Variants in BNC2 observed in about 807,000 individuals in gnomAD.
The protein encoded by BNC2 is basonuclin zinc finger protein 2.
Under a neutral mutation model 76.3 loss-of-function variants are expected in BNC2, and 20 were observed. The observed-to-expected ratio is 0.26, with a 90% CI of 0.18 to 0.38. The LOEUF is 0.38. Among genes scored for constraint, BNC2 ranks in the 10% least tolerant of loss-of-function variants. BNC2 has a pLI of 1.00. For synonymous variants in BNC2, 582 were observed against 514.8 expected (o/e 1.13, Z -1.77); for missense variants, 1,382 against 1,399.8 (o/e 0.99, Z 0.20).
chr9:16,799,883 C>T (rs1035538796), intron 1 of BNC2, among the ~76,000 whole-genome samples: 1 of 152,066 alleles, frequency 6.6e-6, no homozygotes, highest in Admixed American at 6.5e-5. Flanking sequence ...ACTATTAACC[C>T]TAATTATCTT....
chr9:16,496,119 G>C (rs1460786463), intron 5 of BNC2, among the ~76,000 whole-genome samples: 2 of 151,884 alleles, frequency 1.3e-5, no homozygotes, highest in East Asian at 3.9e-4. Flanking sequence ...ATGTTGGACA[G>C]GCTGGTCTCT....
chr9:16,613,452 G>C (rs1178999272), intron 3 of BNC2, among the ~76,000 whole-genome samples: 1 of 152,196 alleles, frequency 6.6e-6, no homozygotes, highest in Non-Finnish European at 1.5e-5. Context: ...ACATGTTATT[G>C]AAAATCACTG....
intron 3 of BNC2, among the ~76,000 whole-genome samples, chr9:16,652,814 T>C (rs1821829938): frequency 6.6e-6 from 1 of 152,140 alleles, no homozygotes; most frequent in Non-Finnish European, 1.5e-5. Context: ...CTGTTATTGT[T>C]AGTCAAAATA....
chr9:16,575,695 C>G (rs1019163601), intron 4 of BNC2, among the ~76,000 whole-genome samples: 2 of 152,254 alleles, frequency 1.3e-5, no homozygotes, highest in South Asian at 4.1e-4. Context: ...GCACTGTGCC[C>G]TCAGGTCAAG....
chr9:16,691,588 A>G (rs1431690583), intron 3 of BNC2, among the ~76,000 whole-genome samples: 1 of 143,274 alleles, frequency 7.0e-6, no homozygotes, highest in Non-Finnish European at 1.5e-5. Flanking sequence ...TGGCTCACTG[A>G]AAGCTGTGCC....
intron 3 of BNC2, among the ~76,000 whole-genome samples, chr9:16,593,060 A>G (rs889287797): frequency 3.9e-5 from 6 of 152,166 alleles, no homozygotes; most frequent in African/African-American, 1.4e-4. Flanking sequence ...AGCAATATTA[A>G]TATCAAAGTA....
chr9:16,661,776 T>C (rs543310458), intron 3 of BNC2, among the ~76,000 whole-genome samples: 1 of 152,330 alleles, frequency 6.6e-6, no homozygotes, highest in African/African-American at 2.4e-5. Context: ...TTAATGTCCA[T>C]GTAAATACAC....
At chr9:16,441,423 G>A (rs1330616023) in intron 5 of BNC2, among the ~76,000 whole-genome samples, 1 of 152,340 alleles carries the variant, frequency 6.6e-6, no homozygotes, top group East Asian at 1.9e-4. Context: ...CAAGCTGGAT[G>A]CTAAGAATGG....
In BNC2 at chr9:16,657,473, C is replaced by T. The variant is rs181703770; in HGVS notation, c.330+70324G>A. 4.7e-4 allele frequency among the ~76,000 whole-genome samples: 71 copies of T among 152,228 alleles called. No individual in the cohort carries two copies. The East Asian group carries it at 0.013, about 27-fold the overall frequency. ...CTGTTGTTGTGGAGAAGACAAGAAA[C>T]AGAAGCTAGACTGTGGGAGGCTAAG... On this transcript the variant is annotated intron_variant, in intron 3 of 6. Coordinates refer to ENST00000380672, the MANE Select transcript of BNC2 (RefSeq NM_017637.6).
At chr9:16,754,999 C>G (rs1286310451) in intron 1 of BNC2, among the ~76,000 whole-genome samples, 1 of 152,212 alleles carries the variant, frequency 6.6e-6, no homozygotes, top group Non-Finnish European at 1.5e-5. Flanking sequence ...TTCCAATCCA[C>G]ACAAAGCCAT....
At chr9:16,853,705 A>G in intron 1 of BNC2, among the ~76,000 whole-genome samples, 1 of 152,104 alleles carries the variant, frequency 6.6e-6, no homozygotes, top group African/African-American at 2.4e-5. Context: ...TGTCTGTACT[A>G]AAACTACAAA....
At chr9:16,629,125 CA>C (rs1157156637) in intron 3 of BNC2, among the ~76,000 whole-genome samples, 1 of 152,096 alleles carries the variant, frequency 6.6e-6, no homozygotes, top group African/African-American at 2.4e-5. Flanking sequence ...ACAGAGAAGT[CA>C]AATGTAAGGA....
intron 5 of BNC2, among the ~76,000 whole-genome samples, chr9:16,479,792 G>A (rs571234145): frequency 6.6e-6 from 1 of 152,088 alleles, no homozygotes; most frequent in African/African-American, 2.4e-5. Flanking sequence ...ATGCACGTTG[G>A]GTAAAATATT....
intron 3 of BNC2, among the ~76,000 whole-genome samples, chr9:16,673,181 C>T (rs754640990): frequency 1.3e-5 from 2 of 151,950 alleles, no homozygotes; most frequent in Non-Finnish European, 2.9e-5. Context: ...AAACAAAATT[C>T]CTCTGCATAT....
chr9:16,616,836 G>GAAGT (rs1820718950), intron 3 of BNC2, among the ~76,000 whole-genome samples: 3 of 150,210 alleles, frequency 2.0e-5, no homozygotes, highest in South Asian at 2.1e-4. Flanking sequence ...AGGAAGGAAG[G>GAAGT]AAGTTCTACT....
At chr9:16,801,383 C>T (rs955323151) in intron 1 of BNC2, among the ~76,000 whole-genome samples, 4 of 150,624 alleles carry the variant, frequency 2.7e-5, no homozygotes, top group South Asian at 2.1e-4. Context: ...GTAGCTGGGA[C>T]GTGCCCGGTT....
At chr9:16,448,360 G>C (rs1432038840) in intron 5 of BNC2, among the ~76,000 whole-genome samples, 2 of 152,074 alleles carry the variant, frequency 1.3e-5, no homozygotes, top group African/African-American at 2.4e-5. Flanking sequence ...TGATGATGGT[G>C]ATTTTACACA....
At chr9:16,676,027 T>G (rs1822629821) in intron 3 of BNC2, among the ~76,000 whole-genome samples, 1 of 152,168 alleles carries the variant, frequency 6.6e-6, no homozygotes, top group Non-Finnish European at 1.5e-5. Context: ...ATTTCACCAC[T>G]GCGCTCCAGC....
intron 1 of BNC2, among the ~76,000 whole-genome samples, chr9:16,827,578 A>C (rs979162063): frequency 6.6e-6 from 1 of 152,152 alleles, no homozygotes. Context: ...GAAAACTATA[A>C]ACTTTGTTGT....
Sources: allele counts gnomAD v4.1 joint callset (sites outside exome capture counted in the v4.1 genomes callset), GRCh38; gene constraint gnomAD v4.1.1; transcripts MANE v1.5; gene names NCBI Gene and HGNC (gene_info 2026-07-23, HGNC 2026-07-21).